Variants in LAMA4 observed in about 807,000 individuals in gnomAD.
LAMA4 encodes laminin subunit alpha 4, also known as laminin subunit alpha-4.
LAMA4 carries 127 observed loss-of-function variants against 207.1 expected under a neutral mutation model. The observed-to-expected ratio is 0.61, with a 90% confidence interval of 0.53 to 0.71. The LOEUF is 0.71. Among genes scored for constraint, LAMA4 ranks in the 30% least tolerant of loss-of-function variants. The pLI is 0.00. For synonymous variants in LAMA4, 761 were observed against 816.0 expected, an observed-to-expected ratio of 0.93 and a Z score of 1.15; for missense variants, 2,093 against 2,246.5, an observed-to-expected ratio of 0.93 and a Z score of 1.38.
intron 2 of LAMA4, among the ~76,000 whole-genome samples, chr6:112,220,317 T>A (rs1265084600): frequency 6.6e-6 from 1 of 152,192 alleles, no homozygotes; most frequent in Non-Finnish European, 1.5e-5. Flanking sequence ...TACCATTTAC[T>A]TCTGCCTTTG....
chr6:112,136,131 A>G lies in LAMA4; in HGVS notation c.3406T>C (p.Tyr1136His), dbSNP rs148462898. The G allele has an allele frequency of 9.3e-6, 15 of 1,612,468 alleles. No homozygotes were observed. The African/African-American group carries it at 2.0e-4, about 22-fold the overall frequency. ...ACTACAATGATTTGTACCTCATGGTATTTTGCATCATTAATTTGAGCTTTC... is the reference window on the plus strand; with the variant it reads ...ACTACAATGATTTGTACCTCATGGTGTTTTGCATCATTAATTTGAGCTTTC... ...LKKAQINDAKYHEISIIYHND... is the reference protein window; with the variant it reads ...LKKAQINDAKHHEISIIYHND... The change falls in exon 25 of 39, where the codon TAC becomes CAC. Residue 1136 changes from tyrosine to histidine, a missense_variant. Physicochemically the swap from Tyr to His is moderately conservative, Grantham distance 83 (BLOSUM62 2). Around this residue, in one of 3 missense-constraint regions of LAMA4, gnomAD observed 1,704 missense variants for 1,788.4 expected, o/e 0.95. Transcript: ENST00000230538.
chr6:112,141,425 C>T lies in LAMA4; in HGVS notation c.2746G>A (p.Glu916Lys). The change falls in exon 21 of 39, where the codon GAG becomes AAG. Residue 916 changes from glutamate to lysine, a missense_variant. Glu to Lys is a moderately conservative substitution (Grantham distance 56). Coordinates refer to ENST00000230538, the MANE Select transcript of LAMA4 (RefSeq NM_001105206.3). ...ACGGGCTTGGAGTCCAGGGGAATCT[C>T]CACATCTTTAGTTCCCAAATTATAG... ...YVYNLGTKDV[E>K]IPLDSKPVSS... is the part of the protein sequence containing the mutation. 2 of 1,613,322 alleles carry T rather than the reference C, an allele frequency of 1.2e-6. No individual in the cohort carries two copies. Among genetic ancestry groups the T allele is most frequent in the Non-Finnish European group, 1.7e-6 (2 of 1,179,302 alleles).
intron 2 of LAMA4, among the ~76,000 whole-genome samples, chr6:112,239,808 A>T (rs2114349651): frequency 6.6e-6 from 1 of 152,242 alleles, no homozygotes; most frequent in African/African-American, 2.4e-5. Context: ...TCATGCCTGT[A>T]ATCTCAGCAC....
intron 5 of LAMA4, among the ~76,000 whole-genome samples, chr6:112,199,339 C>T (rs1301801861): frequency 3.9e-5 from 6 of 152,106 alleles, no homozygotes; most frequent in South Asian, 2.1e-4. Flanking sequence ...TAACTCTCCC[C>T]GTGGGGGCCA....
In LAMA4 at chr6:112,136,677, A is replaced by G. The variant is rs543570755; in HGVS notation, c.3283-423T>C. On this transcript the variant is annotated intron_variant, in intron 24 of 38. Transcript: ENST00000230538. Reference sequence around the variant, plus strand: ...ACTGCACTCCAGCCTGGGCTACAGAACGAGACTCTGTCTCAAAAAAAAAAA... The same window carrying G: ...ACTGCACTCCAGCCTGGGCTACAGAGCGAGACTCTGTCTCAAAAAAAAAAA... Among the ~76,000 whole-genome samples the G allele has an allele frequency of 2.7e-3, 394 of 144,062 alleles. 2 individuals are homozygous for G. Among genetic ancestry groups the G allele is most frequent in the Middle Eastern group, 7.1e-3 (2 of 282 alleles). 94.5% of individuals were successfully genotyped at this position (144,062 alleles called of 152,430 possible). A position where few individuals can be genotyped will look rare whatever the true frequency, so the allele number is the denominator to read the frequency against.
intron 14 of LAMA4, chr6:112,157,798 C>G (rs1243388676): frequency 6.6e-6 from 1 of 151,992 alleles, no homozygotes; most frequent in Non-Finnish European, 1.5e-5. Flanking sequence ...CATTTTATTG[C>G]CTTCATCAAA....
chr6:112,245,772 C>T (rs1786866053), intron 2 of LAMA4, among the ~76,000 whole-genome samples: 1 of 152,094 alleles, frequency 6.6e-6, no homozygotes, highest in African/African-American at 2.4e-5. Context: ...TAGGTAAACA[C>T]GGATCTCTAG....
At chr6:112,214,703 T>C (rs1784530659) in intron 3 of LAMA4, among the ~76,000 whole-genome samples, 1 of 152,348 alleles carries the variant, frequency 6.6e-6, no homozygotes, top group Non-Finnish European at 1.5e-5. Context: ...TGGAGGAATG[T>C]TGGCAGCTTC....
intron 28 of LAMA4, among the ~76,000 whole-genome samples, chr6:112,131,623 T>C (rs1554329820): frequency 1.3e-5 from 2 of 152,108 alleles, no homozygotes; most frequent in East Asian, 1.9e-4. Flanking sequence ...TCTCTTTCCT[T>C]ATATGGGCAC....
At chr6:112,185,480 G>GC in intron 8 of LAMA4, 133 bp from the exon 9 acceptor site, 1 of 662,696 alleles carries the variant, frequency 1.5e-6, no homozygotes, top group South Asian at 1.8e-5. Flanking sequence ...GGGTCCGCAG[G>GC]CTGCTGCAGC....
At chr6:112,241,140 T>TATATATATGAATATATATGA (rs1389464550) in intron 2 of LAMA4, among the ~76,000 whole-genome samples, 1 of 68,410 alleles carries the variant, frequency 1.5e-5, no homozygotes, top group Non-Finnish European at 3.3e-5. Flanking sequence ...TATATAGGAA[T>TATATATATGAATATATATGA]ATATATATGA....
chr6:112,139,349 T>G, intron 23 of LAMA4, 58 bp from the exon 24 acceptor site: 1 of 1,578,358 alleles, frequency 6.3e-7, no homozygotes, highest in East Asian at 2.2e-5. Flanking sequence ...GCTTTTCAAG[T>G]GAAGCCCTTT....
intron 26 of LAMA4, 47 bp from the exon 27 acceptor site, chr6:112,133,534 T>TA: frequency 6.2e-7 from 1 of 1,608,910 alleles, no homozygotes; most frequent in African/African-American, 1.3e-5. Flanking sequence ...ATGATGATGT[T>TA]ACCCTGCATA....
At chr6:112,173,503 G>A (rs150427442) in intron 11 of LAMA4, among the ~76,000 whole-genome samples, 78 of 152,308 alleles carry the variant, frequency 5.1e-4, no homozygotes, top group African/African-American at 1.8e-3. Context: ...TGCATTCTAG[G>A]TGGAAGGAGG....
intron 5 of LAMA4, among the ~76,000 whole-genome samples, chr6:112,194,890 T>C (rs1237042579): frequency 6.6e-6 from 1 of 152,116 alleles, no homozygotes; most frequent in Non-Finnish European, 1.5e-5. Context: ...ACTTGATCCA[T>C]CCAAGGAAAA....
intron 38 of LAMA4, 29 bp downstream of exon 38, chr6:112,114,047 G>T (rs782078996): frequency 3.1e-6 from 5 of 1,612,840 alleles, no homozygotes; most frequent in Admixed American, 1.7e-5. Flanking sequence ...TTTTGGATTG[G>T]GAACTTTTCC....
rs139463734 is a variant in LAMA4, at chr6:112,212,674, T to C, written c.297+3694A>G. ...ACCAAACTGATGATGCTTTCCAAAA[T>C]TTCAAATTTTTCCAGGTTTGCAACA... is the stretch of plus-strand genomic sequence containing the variant. On this transcript the variant is annotated intron_variant, in intron 3 of 38. Coordinates refer to ENST00000230538, the MANE Select transcript of LAMA4 (RefSeq NM_001105206.3). Among the ~76,000 whole-genome samples the C allele has an allele frequency of 2.6e-5, 4 of 152,314 alleles. No homozygotes were observed. The East Asian group carries it at 7.7e-4, about 29-fold the overall frequency.
chr6:112,120,292 C>G lies in LAMA4; in HGVS notation c.4656G>C (p.Leu1552=). Residue 1552 remains leucine, a synonymous_variant, in exon 33 of 39, where the codon CTG becomes CTC. Coordinates refer to ENST00000230538, the MANE Select transcript of LAMA4 (RefSeq NM_001105206.3). ...TCTGCCTTCAACTTACATCATGCCA[C>G]AGGCCATCATTGTATTTCTCCTGGC... ...IRSQEKYNDG[L]WHDVIFIRER... is the part of the protein sequence containing the mutation. 1 of 1,613,556 alleles carries G rather than the reference C, an allele frequency of 6.2e-7. No homozygotes were observed. The highest frequency in any genetic ancestry group is 8.5e-7 in the Non-Finnish European group (1 of 1,179,810).
At chr6:112,167,835 T>A (rs1236500041) in intron 12 of LAMA4, among the ~76,000 whole-genome samples, 1 of 133,252 alleles carries the variant, frequency 7.5e-6, no homozygotes, top group Non-Finnish European at 1.6e-5. Flanking sequence ...ACTAGATGCA[T>A]ACCATCACAC....
Sources: allele counts gnomAD v4.1 joint callset (sites outside exome capture counted in the v4.1 genomes callset), GRCh38; gene constraint gnomAD v4.1.1; regional missense constraint gnomAD v4.1.1; transcripts MANE v1.5; gene names NCBI Gene and HGNC (gene_info 2026-07-23, HGNC 2026-07-21).